The following RIMS2 variants were observed in gnomAD, a reference collection of about 807,000 sequenced individuals.
RIMS2 encodes the protein regulating synaptic membrane exocytosis 2.
A neutral mutation model predicts 174.4 loss-of-function variants in RIMS2; 59 were observed. The observed-to-expected ratio is 0.34, with a 90% CI of 0.27 to 0.42. The LOEUF (loss-of-function observed/expected upper bound fraction) is 0.42, where lower values mean the gene tolerates loss of function less well. Among genes scored for constraint, RIMS2 ranks in the 10% least tolerant of loss-of-function variants. The probability of loss-of-function intolerance (pLI) is 1.00; values close to 1 mark genes in which losing one functional copy is unlikely to be tolerated. For synonymous variants in RIMS2, 606 were observed against 572.5 expected (o/e 1.06, Z -0.84); for missense variants, 1,620 against 1,666.3 (o/e 0.97, Z 0.48).
intron 4 of RIMS2, among the ~76,000 whole-genome samples, chr8:103,909,761 A>G (rs1220124572): frequency 6.6e-6 from 1 of 152,036 alleles, no homozygotes; most frequent in Non-Finnish European, 1.5e-5. Flanking sequence ...TTAGACCAGC[A>G]CAGGAGTAAA....
At chr8:103,576,576 A>G (rs1203767228) in intron 1 of RIMS2, among the ~76,000 whole-genome samples, 3 of 152,112 alleles carry the variant, frequency 2.0e-5, no homozygotes, top group Non-Finnish European at 4.4e-5. Flanking sequence ...AATGATCTCC[A>G]AGATAACATA....
intron 1 of RIMS2, among the ~76,000 whole-genome samples, chr8:103,552,895 GAT>G (rs1433036660): frequency 6.6e-6 from 1 of 152,148 alleles, no homozygotes; most frequent in Non-Finnish European, 1.5e-5. Context: ...ACCACAATGA[GAT>G]ACCATCTCAC....
chr8:104,003,633 C>T (rs751272869), intron 17 of RIMS2, among the ~76,000 whole-genome samples: 2 of 152,076 alleles, frequency 1.3e-5, no homozygotes, highest in Admixed American at 6.6e-5. Context: ...AGGCTAGTCT[C>T]GAACTCCTGA....
At chr8:103,772,476 A>G (rs1163611824) in intron 3 of RIMS2, among the ~76,000 whole-genome samples, 1 of 152,144 alleles carries the variant, frequency 6.6e-6, no homozygotes, top group Admixed American at 6.5e-5. Flanking sequence ...CAAGGTCCAT[A>G]TGTTGAAAAC....
At chr8:104,137,228 T>C (rs1351981403) in intron 19 of RIMS2, among the ~76,000 whole-genome samples, 2 of 152,322 alleles carry the variant, frequency 1.3e-5, no homozygotes, top group East Asian at 3.8e-4. Context: ...ATAAATCTAA[T>C]AAGTTTGTTT....
intron 14 of RIMS2, among the ~76,000 whole-genome samples, chr8:103,948,651 T>A (rs187131437): frequency 3.7e-4 from 57 of 152,282 alleles, no homozygotes; most frequent in African/African-American, 1.3e-3. Flanking sequence ...CAGATTAAGT[T>A]AGCAGTTGGC....
intron 19 of RIMS2, chr8:104,015,341 G>T: frequency 1.6e-6 from 1 of 614,076 alleles, no homozygotes; most frequent in Non-Finnish European, 2.9e-6. Flanking sequence ...GGAAATTTCT[G>T]TTGTTTTTAA....
intron 17 of RIMS2, among the ~76,000 whole-genome samples, chr8:104,008,485 T>TTG (rs150330985): frequency 0.39 from 57,187 of 148,292 alleles, 11,812 homozygotes; most frequent in Non-Finnish European, 0.46. Flanking sequence ...TCTTATATGT[T>TTG]TGTGTGTGTG....
intron 17 of RIMS2, among the ~76,000 whole-genome samples, chr8:104,001,931 G>GCTTT (rs2095407273): frequency 6.6e-6 from 1 of 151,940 alleles, no homozygotes; most frequent in Non-Finnish European, 1.5e-5. Context: ...GATGATTTTA[G>GCTTT]AACCTGGCTG....
intron 1 of RIMS2, among the ~76,000 whole-genome samples, chr8:103,577,255 T>G (rs1161506016): frequency 6.6e-6 from 1 of 152,076 alleles, no homozygotes; most frequent in Non-Finnish European, 1.5e-5. Flanking sequence ...CATCAAAAAG[T>G]GGGCAAAGGA....
intron 19 of RIMS2, among the ~76,000 whole-genome samples, chr8:104,121,410 A>G (rs991811334): frequency 6.6e-6 from 1 of 152,176 alleles, no homozygotes; most frequent in African/African-American, 2.4e-5. Flanking sequence ...AGCATGTGGT[A>G]TATCATCTCA....
chr8:103,596,118 T>C (rs906022778), intron 1 of RIMS2, among the ~76,000 whole-genome samples: 23 of 152,050 alleles, frequency 1.5e-4, no homozygotes, highest in African/African-American at 5.6e-4. Flanking sequence ...AACTTTTATG[T>C]ACTTCTTAAA....
chr8:104,077,230 CGTGGTGGTG>C (rs562409604), intron 19 of RIMS2, among the ~76,000 whole-genome samples: 1 of 151,672 alleles, frequency 6.6e-6, no homozygotes, highest in African/African-American at 2.4e-5. Context: ...TGGTTGTGGT[CGTGGTGGTG>C]GTGGTGGTGA....
At position 103,841,138 on chromosome 8, in the gene RIMS2, A is replaced by G. The variant is rs1021428036; in HGVS notation, c.699-44160A>G. Reference sequence around the variant, plus strand: ...CAAATTAGACTCTCTGAGCTCATCTAGGTCCTTAATGCTGCTGTTTAGGAA... The same window carrying G: ...CAAATTAGACTCTCTGAGCTCATCTGGGTCCTTAATGCTGCTGTTTAGGAA... On this transcript the variant is annotated intron_variant, in intron 3 of 23. Coordinates refer to ENST00000504942, the Ensembl canonical transcript of RIMS2. Among the ~76,000 whole-genome samples the G allele has an allele frequency of 2.0e-5, 3 of 152,202 alleles. No homozygotes were observed. The East Asian group carries it at 5.8e-4, about 29-fold the overall frequency.
At chr8:104,213,659 G>A (rs868813407) in intron 19 of RIMS2, among the ~76,000 whole-genome samples, 1 of 152,042 alleles carries the variant, frequency 6.6e-6, no homozygotes, top group Non-Finnish European at 1.5e-5. Context: ...GGCAGATAAC[G>A]AGGTCAAGAG....
At position 104,034,770 on chromosome 8, in the gene RIMS2, C is replaced by G. The variant is rs2096481042; in HGVS notation, c.3334+20155C>G. ...CAGGCATGAGCTACGGTGCCCAGCC[C>G]TACTTGCAGTATTTTTACCTTAATT... On this transcript the variant is annotated intron_variant, in intron 19 of 23. Transcript: ENST00000504942. 2.0e-5 allele frequency among the ~76,000 whole-genome samples: 3 copies of G among 151,852 alleles called. No individual in the cohort carries two copies. In the South Asian group the frequency reaches 6.2e-4, roughly 31 times the overall value.
At chr8:103,913,072 A>G (rs1459214507) in intron 6 of RIMS2, among the ~76,000 whole-genome samples, 2 of 146,342 alleles carry the variant, frequency 1.4e-5, no homozygotes, top group African/African-American at 2.5e-5. Context: ...TCTTGGATTC[A>G]AGTGATTCTC....
Position 103,825,323 on chromosome 8 carries a change from A to C in RIMS2, c.698+58786A>C, listed in dbSNP as rs1176028104. Among the ~76,000 whole-genome samples the C allele has an allele frequency of 2.0e-5, 3 of 151,928 alleles. No individual in the cohort carries two copies. In the East Asian group the frequency reaches 5.8e-4, roughly 29 times the overall value. ...TTTTTTGATGTTGTCTCTCTCTGTC[A>C]CCCAGGCTGGAGTGCAGTGGCGTGA... On this transcript the variant is annotated intron_variant, in intron 3 of 23. Coordinates refer to ENST00000504942, the Ensembl canonical transcript of RIMS2.
intron 1 of RIMS2, among the ~76,000 whole-genome samples, chr8:103,532,914 C>T (rs1554604957): frequency 6.6e-6 from 1 of 151,950 alleles, no homozygotes; most frequent in Non-Finnish European, 1.5e-5. Flanking sequence ...CTTTAAAGTA[C>T]AGTAGAGTAT....
Sources: gnomAD v4.1 joint callset for allele counts (sites outside exome capture counted in the v4.1 genomes callset) on GRCh38, gnomAD v4.1.1 for gene constraint, MANE v1.5 for transcripts, NCBI Gene and HGNC (gene_info 2026-07-23, HGNC 2026-07-21) for gene names.